Variants in C10orf90 observed in about 807,000 individuals in gnomAD.
C10orf90 encodes the protein (E2-independent) E3 ubiquitin-conjugating enzyme FATS.
Under a neutral mutation model 62.5 loss-of-function variants are expected in C10orf90, and 56 were observed. That is an observed-to-expected ratio of 0.90 (90% CI 0.72 to 1.12). C10orf90 has a LOEUF of 1.12. Among genes scored for constraint, C10orf90 ranks in the 50% most tolerant of loss-of-function variants. C10orf90 has a pLI of 0.00. For missense variants in C10orf90, 970 were observed against 880.4 expected, an observed-to-expected ratio of 1.10 and a Z score of -1.29; for synonymous variants, 386 against 340.4, an observed-to-expected ratio of 1.13 and a Z score of -1.47.
chr10:126,600,866 G>A (rs146159412), intron 2 of C10orf90, among the ~76,000 whole-genome samples: 13 of 152,194 alleles, frequency 8.5e-5, no homozygotes, highest in Admixed American at 2.0e-4. Context: ...TGAAATAACC[G>A]CCTTGTAAAG....
At chr10:126,661,544 T>C (rs866705013) in intron 1 of C10orf90, among the ~76,000 whole-genome samples, 31 of 152,318 alleles carry the variant, frequency 2.0e-4, no homozygotes, top group African/African-American at 7.5e-4. Context: ...GAAATGTGGA[T>C]ATGGTTTCCC....
intron 1 of C10orf90, among the ~76,000 whole-genome samples, chr10:126,649,071 T>TCCCCCCC (rs1163113188): frequency 2.5e-5 from 1 of 40,768 alleles, no homozygotes; most frequent in African/African-American, 1.1e-4. Context: ...TCTCTCTCTC[T>TCCCCCCC]CCCCCCCCCC....
At chr10:126,437,276 A>G (rs897347883) in intron 7 of C10orf90, among the ~76,000 whole-genome samples, 1 of 152,342 alleles carries the variant, frequency 6.6e-6, no homozygotes, top group African/African-American at 2.4e-5. Flanking sequence ...GTATTTTCAC[A>G]TAAATGTCAA....
intron 1 of C10orf90, among the ~76,000 whole-genome samples, chr10:126,647,113 T>C (rs527276404): frequency 2.0e-5 from 3 of 152,356 alleles, no homozygotes; most frequent in African/African-American, 7.2e-5. Context: ...TGTCTTCAGG[T>C]ATGACTGTTT....
intron 2 of C10orf90, among the ~76,000 whole-genome samples, chr10:126,542,243 C>T (rs1385946667): frequency 6.6e-6 from 1 of 152,172 alleles, no homozygotes; most frequent in Non-Finnish European, 1.5e-5. Context: ...TGGCTCACAT[C>T]TGTAATCCCA....
intron 1 of C10orf90, among the ~76,000 whole-genome samples, chr10:126,666,429 C>A (rs1171773539): frequency 2.0e-5 from 3 of 151,986 alleles, no homozygotes; most frequent in Admixed American, 6.5e-5. Context: ...AGAAGCATGA[C>A]CCATAATCAG....
At chr10:126,496,948 A>G (rs1233340224) in intron 4 of C10orf90, among the ~76,000 whole-genome samples, 1 of 152,224 alleles carries the variant, frequency 6.6e-6, no homozygotes, top group Non-Finnish European at 1.5e-5. Context: ...GTGTGCAAGT[A>G]TAACAATGAC....
chr10:126,639,498 C>T (rs192751688), intron 2 of C10orf90, among the ~76,000 whole-genome samples: 229 of 152,298 alleles, frequency 1.5e-3, no homozygotes, highest in Non-Finnish European at 2.8e-3. Context: ...AGGGCTCAAA[C>T]ACCTCAGAGG....
chr10:126,461,649 T>A (rs374220636), intron 5 of C10orf90, 64 bp from the exon 6 acceptor site: 11 of 1,494,638 alleles, frequency 7.4e-6, no homozygotes, highest in Middle Eastern at 2.0e-4. Flanking sequence ...GGCTCCTCAA[T>A]ACCATTAGAC....
In C10orf90 at chr10:126,504,640, C is replaced by T; in HGVS notation, c.851G>A (p.Gly284Asp). 2 of 1,614,228 alleles carry T rather than the reference C, an allele frequency of 1.2e-6. No individual in the cohort carries two copies. The highest frequency in any genetic ancestry group is 2.2e-5 in the East Asian group (1 of 44,872). ...GCAGGCAAAAGATCTCTGATGCCGA[C>T]CTGGATGGGCGCCATTGGCCAGAGC... ...PPALANGAHPGRHQRSFACTE... is the reference protein window; with the variant it reads ...PPALANGAHPDRHQRSFACTE... Residue 284 changes from glycine to aspartate, a missense_variant, in exon 4 of 10, where the codon GGT becomes GAT. Transcript: ENST00000488181. This position sits in a 1 kb window ranked among gnomAD's most constrained non-coding sequence, Gnocchi z 4.1.
chr10:126,507,835 C>T (rs893931853), intron 3 of C10orf90, among the ~76,000 whole-genome samples: 1 of 152,146 alleles, frequency 6.6e-6, no homozygotes, highest in African/African-American at 2.4e-5. Context: ...TTCTGCGGCA[C>T]CCTGAATCCC....
At chr10:126,581,944 G>A (rs531586207) in intron 2 of C10orf90, among the ~76,000 whole-genome samples, 51 of 152,290 alleles carry the variant, frequency 3.3e-4, no homozygotes, top group African/African-American at 1.2e-3. Context: ...AATGTGATTC[G>A]GCGGGTGGCA....
chr10:126,432,073 C>A (rs1857604597), intron 7 of C10orf90, among the ~76,000 whole-genome samples: 1 of 152,198 alleles, frequency 6.6e-6, no homozygotes, highest in Admixed American at 6.5e-5. Context: ...TTGCTTCTGA[C>A]TTTGAGTTTT....
chr10:126,628,044 A>G (rs1261464923), intron 2 of C10orf90, among the ~76,000 whole-genome samples: 1 of 152,240 alleles, frequency 6.6e-6, no homozygotes, highest in Non-Finnish European at 1.5e-5. Context: ...TTATACCCAA[A>G]CTATAAAGTA....
At chr10:126,448,627 C>G (rs948152880) in intron 7 of C10orf90, among the ~76,000 whole-genome samples, 3 of 151,762 alleles carry the variant, frequency 2.0e-5, no homozygotes, top group Non-Finnish European at 1.5e-5. Context: ...AAAAGATAAA[C>G]AAAATTGACA....
chr10:126,597,306 T>C (rs937884444), intron 2 of C10orf90, among the ~76,000 whole-genome samples: 1 of 152,008 alleles, frequency 6.6e-6, no homozygotes, highest in Admixed American at 6.6e-5. Context: ...TAATGGAGAG[T>C]AGTACTCAGC....
intron 2 of C10orf90, among the ~76,000 whole-genome samples, chr10:126,606,614 C>A (rs1845317604): frequency 6.6e-6 from 1 of 152,140 alleles, no homozygotes; most frequent in Non-Finnish European, 1.5e-5. Flanking sequence ...CTCCGAGGAA[C>A]TTTGAGCAGC....
rs769373786 is a variant in C10orf90 at position 126,425,920 on chromosome 10, C to A, written c.2353-18G>T. 2.5e-6 allele frequency: 4 copies of A among 1,613,968 alleles called. No homozygotes were observed. The highest frequency in any genetic ancestry group is 1.3e-5 in the African/African-American group (1 of 74,912). The stretch of plus-strand genomic sequence containing the variant: ...AGTAATTGCTAGAGGAAAAGGGAAA[C>A]AAAGATGTCAAGTTGAGATTCGGCA... On this transcript the variant is annotated intron_variant, in intron 9 of 9. Coordinates refer to ENST00000488181, the MANE Select transcript of C10orf90 (RefSeq NM_001350921.2).
At chr10:126,669,320 A>G (rs1464276016) in intron 1 of C10orf90, among the ~76,000 whole-genome samples, 4 of 152,192 alleles carry the variant, frequency 2.6e-5, no homozygotes, top group Non-Finnish European at 4.4e-5. Flanking sequence ...GAACCTTGAA[A>G]AACCTGTTCC....
Sources: gnomAD v4.1 joint callset for allele counts (sites outside exome capture counted in the v4.1 genomes callset) on GRCh38, gnomAD v4.1.1 for gene constraint, Gnocchi (gnomAD v3.1) non-coding constraint, MANE v1.5 for transcripts, NCBI Gene and HGNC (gene_info 2026-07-23, HGNC 2026-07-21) for gene names.